The following DOCK4 variants were observed in gnomAD, a reference collection of about 807,000 sequenced individuals.
The protein encoded by DOCK4 is dedicator of cytokinesis protein 4.
A neutral mutation model predicts 268.1 loss-of-function variants in DOCK4; 97 were observed. The ratio of observed to expected loss-of-function variants is 0.36; its 90% CI spans 0.31 to 0.43. The LOEUF (loss-of-function observed/expected upper bound fraction) is 0.43, where lower values mean the gene tolerates loss of function less well. Ranked by LOEUF, DOCK4 falls within the 20% of genes least tolerant of loss-of-function variation. The pLI is 1.00. For synonymous variants in DOCK4, 954 were observed against 887.2 expected, an observed-to-expected ratio of 1.08 and a Z score of -1.34; for missense variants, 2,145 against 2,455.7, an observed-to-expected ratio of 0.87 and a Z score of 2.67.
In DOCK4 at chr7:112,171,049, A is replaced by G. The variant is rs140347617; in HGVS notation, c.37+35053T>C. ...AGACTTCTTCGACCAAACATCCACA[A>G]CTTATTTTCCAGGACACAATAAGTA... is the stretch of plus-strand genomic sequence containing the variant. On this transcript the variant is annotated intron_variant, in intron 1 of 52. Transcript: ENST00000428084. 5.3e-5 allele frequency among the ~76,000 whole-genome samples: 8 copies of G among 152,318 alleles called. No individual in the cohort carries two copies. In the East Asian group the frequency reaches 1.5e-3, roughly 29 times the overall value.
intron 23 of DOCK4, among the ~76,000 whole-genome samples, chr7:111,849,113 CT>C (rs1414119234): frequency 1.3e-5 from 2 of 152,140 alleles, no homozygotes; most frequent in East Asian, 3.9e-4. Flanking sequence ...CCCATTTTTG[CT>C]GCTTGGTTCT....
At chr7:111,982,693 T>C (rs1410470024) in intron 7 of DOCK4, among the ~76,000 whole-genome samples, 1 of 152,252 alleles carries the variant, frequency 6.6e-6, no homozygotes, top group Non-Finnish European at 1.5e-5. Context: ...AGTCTTTTCA[T>C]GATACCATAA....
chr7:111,902,893 C>T (rs1050265072), intron 13 of DOCK4, among the ~76,000 whole-genome samples: 1 of 152,060 alleles, frequency 6.6e-6, no homozygotes, highest in African/African-American at 2.4e-5. Context: ...CCTCAGCCTC[C>T]CGAGTAGCTG....
Position 111,799,553 on chromosome 7 carries a change from T to A in DOCK4, c.3167-8948A>T, listed in dbSNP as rs984022965. On this transcript the variant is annotated intron_variant, in intron 30 of 52. Transcript: ENST00000428084. Reference sequence around the variant, plus strand: ...AAACCAACTTCTGGATACATCACATTCAAGTCAAAGTCTAAAAAGCTAAGG... The same window carrying A: ...AAACCAACTTCTGGATACATCACATACAAGTCAAAGTCTAAAAAGCTAAGG... Among the ~76,000 whole-genome samples the A allele has an allele frequency of 1.2e-4, 19 of 152,134 alleles. 1 individual carries two copies. The highest frequency in any genetic ancestry group is 2.4e-4 in the Non-Finnish European group (16 of 68,022).
At chr7:111,945,920 A>G (rs531346975) in intron 8 of DOCK4, 122 bp from the exon 9 acceptor site, 15 of 688,448 alleles carry the variant, frequency 2.2e-5, no homozygotes, top group South Asian at 2.2e-4. Flanking sequence ...TAACATCAAC[A>G]TTGCTTATAT....
At chr7:112,049,632 C>G (rs1805169156) in intron 1 of DOCK4, among the ~76,000 whole-genome samples, 1 of 152,080 alleles carries the variant, frequency 6.6e-6, no homozygotes, top group Admixed American at 6.6e-5. Flanking sequence ...AAACTATATG[C>G]TGTCTACAAG....
At position 111,894,104 on chromosome 7, in the gene DOCK4, C is replaced by T. The variant is rs555533909; in HGVS notation, c.1587+1508G>A. On this transcript the variant is annotated intron_variant, in intron 16 of 52. Coordinates refer to ENST00000428084, the MANE Select transcript of DOCK4 (RefSeq NM_001363540.2). ...GGGCATGGTGGCGGGTGCCTGGTGT[C>T]CCAGCTAGTCAGGAGGCTGAGGCAG... is the stretch of plus-strand genomic sequence containing the variant. Among the ~76,000 whole-genome samples, 485 of 152,106 alleles carry T rather than the reference C, an allele frequency of 3.2e-3. 1 individual carries two copies. The highest frequency in any genetic ancestry group is 4.8e-3 in the Non-Finnish European group (327 of 68,000).
rs528840478 is a variant in DOCK4 at position 112,039,868 on chromosome 7, A to G, written c.38-35737T>C. On this transcript the variant is annotated intron_variant, in intron 1 of 52. Transcript: ENST00000428084. ...GAGAACACAGTCTCAAATTATTCCT[A>G]TAACTTTCACCTAGACCTCTATACT... Among the ~76,000 whole-genome samples the G allele has an allele frequency of 3.3e-5, 5 of 152,306 alleles. No individual in the cohort carries two copies. The East Asian group carries it at 5.8e-4, about 18-fold the overall frequency.
chr7:111,762,766 T>C lies in DOCK4; in HGVS notation c.4020+2352A>G, dbSNP rs867350472. Among the ~76,000 whole-genome samples, 695 of 113,158 alleles carry C rather than the reference T, an allele frequency of 6.1e-3. 4 individuals are homozygous for C. Among genetic ancestry groups the C allele is most frequent in the African/African-American group, 0.02 (625 of 30,532 alleles). 74.2% of individuals were successfully genotyped at this position (113,158 alleles called of 152,430 possible). Reference sequence around the variant, plus strand: ...TAACCCATTTTGTTTTGTTTTCTTTTTTTTTTTTTTTTTTTTTTTTGGAGA... The same window carrying C: ...TAACCCATTTTGTTTTGTTTTCTTTCTTTTTTTTTTTTTTTTTTTTGGAGA... On this transcript the variant is annotated intron_variant, in intron 39 of 52. Transcript: ENST00000428084.
chr7:111,955,564 A>G (rs1371512156), intron 8 of DOCK4, among the ~76,000 whole-genome samples: 3 of 152,236 alleles, frequency 2.0e-5, no homozygotes, highest in African/African-American at 7.2e-5. Flanking sequence ...AGTCAGGATG[A>G]TTATTGTGTA....
intron 41 of DOCK4, among the ~76,000 whole-genome samples, chr7:111,756,566 G>A (rs934256961): frequency 5.3e-5 from 8 of 151,956 alleles, no homozygotes; most frequent in African/African-American, 1.7e-4. Flanking sequence ...TCCTCTGGCC[G>A]GGACGAGCAA....
At chr7:112,095,502 T>C (rs1810041220) in intron 1 of DOCK4, among the ~76,000 whole-genome samples, 1 of 152,232 alleles carries the variant, frequency 6.6e-6, no homozygotes, top group Admixed American at 6.5e-5. Flanking sequence ...CTATGATTCC[T>C]ATGAATAGAG....
chr7:112,133,123 G>A (rs1372397652), intron 1 of DOCK4, among the ~76,000 whole-genome samples: 2 of 152,116 alleles, frequency 1.3e-5, no homozygotes, highest in African/African-American at 2.4e-5. Context: ...TCCCAGAATA[G>A]GGATACAGGT....
chr7:112,160,736 T>C lies in DOCK4; in HGVS notation c.37+45366A>G, dbSNP rs559047785. Reference sequence around the variant, plus strand: ...TCAGCAGGGAACAACAATTAATTTGTCAAACTTTAGCTTTCTATACACTTA... The same window carrying C: ...TCAGCAGGGAACAACAATTAATTTGCCAAACTTTAGCTTTCTATACACTTA... On this transcript the variant is annotated intron_variant, in intron 1 of 52. Transcript: ENST00000428084. 2.2e-3 allele frequency among the ~76,000 whole-genome samples: 340 copies of C among 152,316 alleles called. 1 individual carries two copies. Among genetic ancestry groups the C allele is most frequent in the African/African-American group, 7.7e-3 (321 of 41,574 alleles).
intron 36 of DOCK4, among the ~76,000 whole-genome samples, chr7:111,771,021 C>A (rs1017689005): frequency 6.6e-6 from 1 of 152,220 alleles, no homozygotes; most frequent in East Asian, 1.9e-4. Context: ...TTTCCTAATC[C>A]ACCAGCAGTC....
chr7:111,754,558 C>A (rs1001121195), intron 42 of DOCK4, among the ~76,000 whole-genome samples: 1 of 152,184 alleles, frequency 6.6e-6, no homozygotes, highest in Non-Finnish European at 1.5e-5. Flanking sequence ...ATTATTTCTG[C>A]AGTGAAACAA....
intron 1 of DOCK4, among the ~76,000 whole-genome samples, chr7:112,096,564 G>A (rs756004559): frequency 6.6e-5 from 10 of 152,110 alleles, no homozygotes; most frequent in Admixed American, 2.0e-4. Flanking sequence ...TGGAAGTAAC[G>A]ATCAAGTTTC....
chr7:111,949,185 C>A (rs542440825), intron 8 of DOCK4, among the ~76,000 whole-genome samples: 2 of 152,204 alleles, frequency 1.3e-5, no homozygotes, highest in East Asian at 3.9e-4. Context: ...GTTTGAAGCT[C>A]CTCATTACCT....
At chr7:111,780,908 G>A (rs1472097010) in intron 35 of DOCK4, among the ~76,000 whole-genome samples, 1 of 152,060 alleles carries the variant, frequency 6.6e-6, no homozygotes, top group African/African-American at 2.4e-5. Flanking sequence ...CTTTCAAAGT[G>A]TTAAAATTTT....
Sources: allele counts gnomAD v4.1 joint callset (sites outside exome capture counted in the v4.1 genomes callset), GRCh38; gene constraint gnomAD v4.1.1; transcripts MANE v1.5; gene names NCBI Gene and HGNC (gene_info 2026-07-23, HGNC 2026-07-21).